The following ATP10A variants were observed in gnomAD, a reference collection of about 807,000 sequenced individuals.
ATP10A encodes the protein ATPase phospholipid transporting 10A (putative).
A neutral mutation model predicts 147.8 loss-of-function variants in ATP10A; 111 were observed. That is an observed-to-expected ratio of 0.75 (90% CI 0.64 to 0.88). The LOEUF is 0.88. ATP10A is among the 40% of genes least tolerant of loss of function. ATP10A has a pLI of 0.00. For missense variants in ATP10A, 1,927 were observed against 1,959.0 expected (o/e 0.98, Z 0.31); for synonymous variants, 875 against 841.6 (o/e 1.04, Z -0.69).
chr15:25,815,163 G>T (rs1427599970), intron 1 of ATP10A, among the ~76,000 whole-genome samples: 1 of 152,054 alleles, frequency 6.6e-6, no homozygotes, highest in Non-Finnish European at 1.5e-5. Context: ...CATGAAACCC[G>T]ACTACTATTC....
At chr15:25,752,009 G>C (rs1250627312) in intron 2 of ATP10A, among the ~76,000 whole-genome samples, 1 of 152,072 alleles carries the variant, frequency 6.6e-6, no homozygotes, top group Non-Finnish European at 1.5e-5. Context: ...AAAGATAAAA[G>C]ATATCAAATG....
chr15:25,759,982 C>A (rs1360768202), intron 2 of ATP10A, among the ~76,000 whole-genome samples: 1 of 120,732 alleles, frequency 8.3e-6, no homozygotes, highest in African/African-American at 3.1e-5. Flanking sequence ...TTTTTTTTTT[C>A]TTTGAGATGA....
At chr15:25,816,682 T>C (rs1007330986) in intron 1 of ATP10A, among the ~76,000 whole-genome samples, 3 of 152,222 alleles carry the variant, frequency 2.0e-5, no homozygotes, top group African/African-American at 7.2e-5. Context: ...TATTCAATTC[T>C]GAGACGGTAT....
At chr15:25,745,772 A>T (rs576583660) in intron 2 of ATP10A, among the ~76,000 whole-genome samples, 1 of 152,312 alleles carries the variant, frequency 6.6e-6, no homozygotes, top group Admixed American at 6.5e-5. Flanking sequence ...TTTTTTGCTT[A>T]AAAAGGGCCC....
chr15:25,674,506 G>T (rs757499831), downstream of ATP10A, among the ~76,000 whole-genome samples: 2 of 152,100 alleles, frequency 1.3e-5, no homozygotes, highest in African/African-American at 4.8e-5. Flanking sequence ...TGTGTCCCTG[G>T]CCAGGCCTCT....
chr15:25,791,386 C>T (rs1890417603), intron 1 of ATP10A, among the ~76,000 whole-genome samples: 3 of 151,722 alleles, frequency 2.0e-5, no homozygotes, highest in Admixed American at 2.0e-4. Flanking sequence ...TAGTTAGAGT[C>T]AGGGTTTCAC....
chr15:25,695,267 C>T, intron 13 of ATP10A, 121 bp from the exon 14 acceptor site: 1 of 867,096 alleles, frequency 1.2e-6, no homozygotes, highest in Non-Finnish European at 1.7e-6. Flanking sequence ...TACCCGCCTG[C>T]CCAGAGGCCA....
intron 17 of ATP10A, among the ~76,000 whole-genome samples, chr15:25,682,654 G>A (rs1040481322): frequency 1.3e-5 from 2 of 152,210 alleles, no homozygotes; most frequent in South Asian, 2.1e-4. Flanking sequence ...CTGGCACCCC[G>A]TGCATGCGGC....
intron 1 of ATP10A, among the ~76,000 whole-genome samples, chr15:25,836,432 C>A (rs1449566478): frequency 6.6e-6 from 1 of 152,168 alleles, no homozygotes; most frequent in Non-Finnish European, 1.5e-5. Context: ...GAAACACACC[C>A]AACAACAGAG....
intron 1 of ATP10A, among the ~76,000 whole-genome samples, chr15:25,798,344 G>A (rs1209579861): frequency 2.0e-5 from 3 of 152,184 alleles, no homozygotes; most frequent in African/African-American, 7.2e-5. Flanking sequence ...CCAGTGCTGG[G>A]AGGCGTGGGG....
intron 13 of ATP10A, 34 bp downstream of exon 13, chr15:25,701,882 G>T (rs373852618): frequency 6.4e-7 from 1 of 1,554,652 alleles, no homozygotes; most frequent in South Asian, 1.2e-5. Flanking sequence ...ACCACCCCAG[G>T]GGAAGGAAGC....
intron 1 of ATP10A, among the ~76,000 whole-genome samples, chr15:25,835,959 G>A (rs1892574933): frequency 6.6e-6 from 1 of 152,208 alleles, no homozygotes; most frequent in Non-Finnish European, 1.5e-5. Flanking sequence ...GACCACAGGT[G>A]CCTGCCACCA....
intron 1 of ATP10A, among the ~76,000 whole-genome samples, chr15:25,790,808 A>G (rs1890379598): frequency 6.6e-6 from 1 of 152,172 alleles, no homozygotes; most frequent in South Asian, 2.1e-4. Context: ...AGACATCTCA[A>G]TAATACTGCC....
chr15:25,758,911 A>C (rs1182985329), intron 2 of ATP10A, among the ~76,000 whole-genome samples: 1 of 151,848 alleles, frequency 6.6e-6, no homozygotes, highest in Non-Finnish European at 1.5e-5. Context: ...CACCTGCTCC[A>C]CCCTAACTCA....
intron 2 of ATP10A, among the ~76,000 whole-genome samples, chr15:25,770,921 G>A (rs1032761138): frequency 7.2e-5 from 11 of 152,182 alleles, no homozygotes; most frequent in African/African-American, 1.2e-4. Flanking sequence ...GCTCCCACCT[G>A]TCCTGTGGAA....
At chr15:25,751,962 G>C (rs1888177144) in intron 2 of ATP10A, among the ~76,000 whole-genome samples, 1 of 150,042 alleles carries the variant, frequency 6.7e-6, no homozygotes, top group Non-Finnish European at 1.5e-5. Flanking sequence ...ACCACAATGA[G>C]ATTTGCTATC....
intron 2 of ATP10A, among the ~76,000 whole-genome samples, chr15:25,770,518 T>G (rs771218246): frequency 7.6e-4 from 115 of 152,120 alleles, no homozygotes; most frequent in Non-Finnish European, 1.3e-3. Flanking sequence ...AATGAGGGCC[T>G]CACACAGGCA....
intron 15 of ATP10A, among the ~76,000 whole-genome samples, chr15:25,688,398 G>A (rs978322444): frequency 7.9e-5 from 12 of 152,316 alleles, no homozygotes; most frequent in African/African-American, 2.4e-4. Context: ...GGCAGTGGCC[G>A]TGTGCAGGAG....
chr15:25,805,155 C>T (rs1032290450), intron 1 of ATP10A, among the ~76,000 whole-genome samples: 5 of 152,158 alleles, frequency 3.3e-5, no homozygotes, highest in Non-Finnish European at 4.4e-5. Flanking sequence ...CTGTCTGCCA[C>T]GTGTAGAGAA....
Sources: allele counts gnomAD v4.1 joint callset (sites outside exome capture counted in the v4.1 genomes callset), GRCh38; gene constraint gnomAD v4.1.1; transcripts MANE v1.5; gene names NCBI Gene and HGNC (gene_info 2026-07-23, HGNC 2026-07-21).